Variants in FAM120B observed in about 807,000 individuals in gnomAD.
The protein encoded by FAM120B is family with sequence similarity 120 member B.
FAM120B carries 83 observed loss-of-function variants against 96.3 expected under a neutral mutation model. That is an observed-to-expected ratio of 0.86 (90% CI 0.72 to 1.03). FAM120B has a LOEUF of 1.03. Ranked by LOEUF, FAM120B falls within the 50% of genes least tolerant of loss-of-function variation. The pLI is 0.00. For missense variants in FAM120B, 1,027 were observed against 1,121.2 expected (o/e 0.92, Z 1.20); for synonymous variants, 407 against 402.7 (o/e 1.01, Z -0.13).
chr6:170,304,337 C>T (rs556886980), upstream of FAM120B, among the ~76,000 whole-genome samples: 3 of 152,264 alleles, frequency 2.0e-5, no homozygotes, highest in South Asian at 4.2e-4. Flanking sequence ...TTTCATTTTT[C>T]CTTCAGGAAA....
rs1047694697 is a variant in FAM120B, at chr6:170,363,635, G to T, written c.2283+5317G>T. Among the ~76,000 whole-genome samples the T allele has an allele frequency of 6.6e-6, 1 of 152,232 alleles. No individual in the cohort carries two copies. The highest frequency in any genetic ancestry group is 1.5e-5 in the Non-Finnish European group (1 of 68,040). On this transcript the variant is annotated intron_variant, in intron 6 of 10. Coordinates refer to ENST00000476287, the MANE Select transcript of FAM120B (RefSeq NM_032448.3). This position sits in a 1 kb window ranked among gnomAD's most constrained non-coding sequence, Gnocchi z 4.5. ...AGTTTTTACTTTATTTTGATTACAGGATCATAACAATAAAGTAATTCTGGA... is the reference window on the plus strand; with the variant it reads ...AGTTTTTACTTTATTTTGATTACAGTATCATAACAATAAAGTAATTCTGGA...
At chr6:170,313,862 T>C (rs555612796) in intron 1 of FAM120B, among the ~76,000 whole-genome samples, 1 of 152,318 alleles carries the variant, frequency 6.6e-6, no homozygotes, top group Admixed American at 6.5e-5. Flanking sequence ...CAGCCAAGTA[T>C]TGGTTGTCCC....
intron 4 of FAM120B, among the ~76,000 whole-genome samples, chr6:170,338,042 C>G (rs1035875184): frequency 1.3e-5 from 2 of 151,710 alleles, no homozygotes; most frequent in South Asian, 2.1e-4. Context: ...CAGTTCTGCT[C>G]TGATCTTAGT....
intron 5 of FAM120B, among the ~76,000 whole-genome samples, chr6:170,352,161 T>C (rs1787622779): frequency 6.6e-6 from 1 of 152,182 alleles, no homozygotes; most frequent in Non-Finnish European, 1.5e-5. Context: ...CAAAACAGAC[T>C]TTAAACCAAC....
At chr6:170,398,291 T>C (rs1198675862) in intron 9 of FAM120B, among the ~76,000 whole-genome samples, 1 of 152,262 alleles carries the variant, frequency 6.6e-6, no homozygotes, top group Non-Finnish European at 1.5e-5. Context: ...GAGACATTAG[T>C]AAAGTGTAAC....
chr6:170,332,000 C>T (rs1262200228), intron 4 of FAM120B, among the ~76,000 whole-genome samples: 1 of 152,146 alleles, frequency 6.6e-6, no homozygotes, highest in East Asian at 1.9e-4. Context: ...GGCCACGTCT[C>T]AGACACATTC....
At chr6:170,308,114 C>T (rs1485827863) in intron 1 of FAM120B, among the ~76,000 whole-genome samples, 1 of 152,262 alleles carries the variant, frequency 6.6e-6, no homozygotes, top group Non-Finnish European at 1.5e-5. Context: ...TAGGAGCCAC[C>T]CTCTGCCACC....
At chr6:170,376,880 T>A (rs367589651) in intron 6 of FAM120B, among the ~76,000 whole-genome samples, 8 of 152,250 alleles carry the variant, frequency 5.3e-5, no homozygotes, top group African/African-American at 1.9e-4. Flanking sequence ...CCTGTTTCCG[T>A]GTAGAGCAAG....
upstream of FAM120B, among the ~76,000 whole-genome samples, chr6:170,294,117 A>T (rs547779581): frequency 2.4e-4 from 36 of 152,132 alleles, no homozygotes; most frequent in East Asian, 6.8e-3. This position sits in a 1 kb window ranked among gnomAD's most constrained non-coding sequence, Gnocchi z 7.9. Context: ...AGCACTCTGA[A>T]CCCCACAAAC....
At chr6:170,375,951 G>C (rs985275304) in intron 6 of FAM120B, among the ~76,000 whole-genome samples, 1 of 152,174 alleles carries the variant, frequency 6.6e-6, no homozygotes, top group Non-Finnish European at 1.5e-5. Context: ...AAATTCCCTG[G>C]GGTGTTTGGG....
intron 1 of FAM120B, among the ~76,000 whole-genome samples, chr6:170,310,765 T>A (rs1335348808): frequency 6.6e-6 from 1 of 152,244 alleles, no homozygotes; most frequent in Non-Finnish European, 1.5e-5. Context: ...GAGTACATTT[T>A]GATATATGTG....
At chr6:170,369,842 A>G (rs1398669728) in intron 6 of FAM120B, among the ~76,000 whole-genome samples, 1 of 152,112 alleles carries the variant, frequency 6.6e-6, no homozygotes, top group East Asian at 1.9e-4. Flanking sequence ...TATAATTTCC[A>G]TGGAACCTTT....
intron 1 of FAM120B, among the ~76,000 whole-genome samples, chr6:170,313,617 G>A (rs1413635142): frequency 6.6e-6 from 1 of 152,196 alleles, no homozygotes; most frequent in Non-Finnish European, 1.5e-5. Flanking sequence ...GATTCGAGAT[G>A]CGAATTATTT....
upstream of FAM120B, among the ~76,000 whole-genome samples, chr6:170,294,134 G>A (rs1200170993): frequency 6.6e-6 from 1 of 152,140 alleles, no homozygotes; most frequent in Non-Finnish European, 1.5e-5. The surrounding 1 kb of genome is among the most constrained non-coding windows in gnomAD (Gnocchi z 7.9). Context: ...AAACGCAGGA[G>A]GGAGCTTAAG....
In FAM120B at chr6:170,309,188, T is replaced by G. The variant is rs117193662; in HGVS notation, c.-22+2346T>G. 2.5e-3 allele frequency among the ~76,000 whole-genome samples: 385 copies of G among 152,340 alleles called. 1 individual carries two copies. The highest frequency in any genetic ancestry group is 4.3e-3 in the Non-Finnish European group (290 of 68,022). On this transcript the variant is annotated intron_variant, in intron 1 of 10. Transcript: ENST00000476287. ...TGCCACCAGTTATTTTTATAGAACT[T>G]GATAATGAGTATAAATAATTGTAAT...
intron 6 of FAM120B, among the ~76,000 whole-genome samples, chr6:170,376,563 G>C (rs894373720): frequency 1.3e-5 from 2 of 152,126 alleles, no homozygotes; most frequent in African/African-American, 4.8e-5. Flanking sequence ...ACGTGCAGCA[G>C]AGCGGTATGC....
Position 170,388,364 on chromosome 6 carries a change from C to A in FAM120B, c.2361C>A (p.Asn787Lys). ...GCCTCACCACTCTGGTTTTAGTCAA[C>A]AGCGCATGTGGCTTCCCCTGGAAGA... ...VRGLTTLVLV[N>K]SACGFPWKTS... The change falls in exon 7 of 11, where the codon AAC (asparagine) becomes AAA (lysine). Residue 787 changes from asparagine to lysine, a missense_variant. Coordinates refer to ENST00000476287, the MANE Select transcript of FAM120B (RefSeq NM_032448.3). 1 of 1,614,178 alleles carries A rather than the reference C, an allele frequency of 6.2e-7. No individual in the cohort carries two copies. The highest frequency in any genetic ancestry group is 8.5e-7 in the Non-Finnish European group (1 of 1,180,032).
chr6:170,341,672 GA>G (rs1345401823), intron 4 of FAM120B, among the ~76,000 whole-genome samples: 3 of 152,206 alleles, frequency 2.0e-5, no homozygotes, highest in African/African-American at 7.2e-5. Flanking sequence ...AAAACTGTGG[GA>G]AAAGCATAGT....
At chr6:170,378,839 A>T (rs1191145908) in intron 6 of FAM120B, among the ~76,000 whole-genome samples, 2 of 152,244 alleles carry the variant, frequency 1.3e-5, no homozygotes, top group Non-Finnish European at 2.9e-5. Context: ...TGGCCACATT[A>T]AAAAGGGGCT....
Sources: allele counts gnomAD v4.1 joint callset (sites outside exome capture counted in the v4.1 genomes callset), GRCh38; gene constraint gnomAD v4.1.1; non-coding constraint Gnocchi (gnomAD v3.1); transcripts MANE v1.5; gene names NCBI Gene and HGNC (gene_info 2026-07-23, HGNC 2026-07-21).